TRAK1: variants seen among roughly 807,000 people sequenced by gnomAD.
TRAK1 encodes trafficking kinesin-binding protein 1.
Under a neutral mutation model 92.1 loss-of-function variants are expected in TRAK1, and 33 were observed. That is an observed-to-expected ratio of 0.36 (90% CI 0.27 to 0.48). The LOEUF (loss-of-function observed/expected upper bound fraction) is 0.48, where lower values mean the gene tolerates loss of function less well. Ranked by LOEUF, TRAK1 falls within the 20% of genes least tolerant of loss-of-function variation. The pLI is 0.99. For missense variants in TRAK1, 1,123 were observed against 1,257.9 expected, an observed-to-expected ratio of 0.89 and a Z score of 1.62; for synonymous variants, 521 against 517.3, an observed-to-expected ratio of 1.01 and a Z score of -0.10.
At chr3:42,122,713 G>A (rs1438257231) in intron 1 of TRAK1, among the ~76,000 whole-genome samples, 1 of 152,192 alleles carries the variant, frequency 6.6e-6, no homozygotes, top group Non-Finnish European at 1.5e-5. Flanking sequence ...CCTTTGGATG[G>A]TGGTTTATTG....
At chr3:42,135,340 G>A (rs1697812201) in intron 2 of TRAK1, among the ~76,000 whole-genome samples, 1 of 152,142 alleles carries the variant, frequency 6.6e-6, no homozygotes, top group Non-Finnish European at 1.5e-5. Flanking sequence ...GTATTTCCAG[G>A]TACTCCTTGT....
rs1706188509 is a variant in TRAK1 at position 42,193,876 on chromosome 3, C to T, written c.953C>T (p.Ala318Val). Residue 318 changes from alanine (A) to valine (V), a missense_variant, in exon 9 of 16, where the codon GCC becomes GTC. This residue lies in a region of TRAK1 where 686 missense variants were observed against 747.6 expected (regional missense o/e 0.92). Transcript: ENST00000327628. ...CAGCATCTGGGGGCTGCTAAGGATG[C>T]CCAGCGGCAGCTCACAGCCGAGGTG... ...LVQHLGAAKD[A>V]QRQLTAELRE... 2 of 1,614,030 alleles carry T rather than the reference C, an allele frequency of 1.2e-6. No homozygotes were observed. Among genetic ancestry groups the T allele is most frequent in the Non-Finnish European group, 8.5e-7 (1 of 1,180,006 alleles).
At chr3:42,146,755 C>T (rs1699377439) in intron 2 of TRAK1, among the ~76,000 whole-genome samples, 1 of 152,086 alleles carries the variant, frequency 6.6e-6, no homozygotes, top group African/African-American at 2.4e-5. Context: ...GAGATTTGGC[C>T]ATGTTGTCCA....
intron 2 of TRAK1, among the ~76,000 whole-genome samples, chr3:42,165,530 G>A (rs913486783): frequency 2.6e-5 from 4 of 152,190 alleles, no homozygotes; most frequent in African/African-American, 7.2e-5. Context: ...CCCTGTGGGG[G>A]AATAACTGGA....
chr3:42,184,637 G>C (rs937530996), intron 3 of TRAK1, 48 bp from the exon 4 acceptor site: 1 of 1,585,544 alleles, frequency 6.3e-7, no homozygotes, highest in African/African-American at 1.3e-5. Context: ...GACTCCTTCA[G>C]GAAACACAGG....
chr3:42,099,826 G>A (rs773347326), intron 1 of TRAK1, among the ~76,000 whole-genome samples: 3 of 152,194 alleles, frequency 2.0e-5, no homozygotes, highest in Non-Finnish European at 4.4e-5. Context: ...CCCTATTTAT[G>A]TGAGTAGAAA....
chr3:42,217,441 A>G, intron 14 of TRAK1: 5 of 985,356 alleles, frequency 5.1e-6, no homozygotes, highest in Non-Finnish European at 6.0e-6. Flanking sequence ...GCCTTTTCCT[A>G]TCCCCAAAAC....
chr3:42,065,181 G>A (rs1703627093), intron 1 of TRAK1, among the ~76,000 whole-genome samples: 1 of 152,158 alleles, frequency 6.6e-6, no homozygotes, highest in Non-Finnish European at 1.5e-5. Flanking sequence ...GAACCTGGAA[G>A]GTGGAGGTTG....
intron 13 of TRAK1, among the ~76,000 whole-genome samples, chr3:42,207,672 AATC>A (rs1326634946): frequency 1.3e-5 from 2 of 152,188 alleles, no homozygotes; most frequent in Non-Finnish European, 2.9e-5. Context: ...TAATTTAAAA[AATC>A]ACAGTGATGC....
At chr3:42,112,807 A>G (rs903820755) in intron 1 of TRAK1, among the ~76,000 whole-genome samples, 6 of 151,484 alleles carry the variant, frequency 4.0e-5, no homozygotes, top group African/African-American at 1.5e-4. Flanking sequence ...GGGTCTTGCT[A>G]TCTCCTAGGC....
intron 1 of TRAK1, among the ~76,000 whole-genome samples, chr3:42,065,378 CG>C (rs1703634362): frequency 2.0e-5 from 3 of 152,156 alleles, no homozygotes; most frequent in Admixed American, 2.0e-4. Context: ...ATTATACTTG[CG>C]GATTGAACAT....
At chr3:42,093,643 T>G (rs1381756135) in intron 1 of TRAK1, among the ~76,000 whole-genome samples, 1 of 113,992 alleles carries the variant, frequency 8.8e-6, no homozygotes, top group African/African-American at 3.8e-5. Flanking sequence ...CTCTTCTCTT[T>G]TTTCTCCCCT....
intron 2 of TRAK1, among the ~76,000 whole-genome samples, chr3:42,154,441 G>A (rs1335688933): frequency 1.3e-5 from 2 of 151,996 alleles, no homozygotes; most frequent in African/African-American, 4.8e-5. Flanking sequence ...CCAAAGTGCT[G>A]GGATTACAGG....
rs1410803054 is a variant in TRAK1, at chr3:42,110,277, A to G, written c.92-15143A>G. On this transcript the variant is annotated intron_variant, in intron 1 of 15. Coordinates refer to ENST00000327628, the MANE Select transcript of TRAK1 (RefSeq NM_001042646.3). ...TCCCGGCTGTGGCTGGAGCCACACAAACAATAGAGGGAAAGGCTGTGGGGT... is the reference window on the plus strand; with the variant it reads ...TCCCGGCTGTGGCTGGAGCCACACAGACAATAGAGGGAAAGGCTGTGGGGT... Among the ~76,000 whole-genome samples, 3 of 151,758 alleles carry G rather than the reference A, an allele frequency of 2.0e-5. No homozygotes were observed. The East Asian group carries it at 5.9e-4, about 30-fold the overall frequency.
rs535395511 is a variant in TRAK1 at position 42,060,460 on chromosome 3, T to C, written c.-518-26644T>C. Among the ~76,000 whole-genome samples the C allele has an allele frequency of 3.0e-4, 45 of 152,162 alleles. No individual in the cohort carries two copies. The South Asian group carries it at 8.3e-3, about 28-fold the overall frequency. On this transcript the variant is annotated intron_variant, in intron 1 of 16. Transcript: ENST00000487159. ...AGGAGAGACGGGGCAGCTTTGAAAC[T>C]GTGGGACAGGAGAGTAATGTAACGG...
intron 1 of TRAK1, among the ~76,000 whole-genome samples, chr3:42,120,386 G>A (rs991277947): frequency 1.3e-5 from 2 of 152,072 alleles, no homozygotes; most frequent in Non-Finnish European, 2.9e-5. Context: ...GGGAAATGGT[G>A]ACCACAGAGA....
intron 2 of TRAK1, chr3:42,146,121 C>G: frequency 2.2e-6 from 1 of 458,226 alleles, no homozygotes; most frequent in Admixed American, 2.8e-5. Flanking sequence ...GATTTATACA[C>G]CAACTACATT....
intron 13 of TRAK1, among the ~76,000 whole-genome samples, chr3:42,206,593 G>C (rs1373406212): frequency 6.6e-6 from 1 of 152,206 alleles, no homozygotes. Context: ...GGGATAACGT[G>C]AAGATTAAGT....
upstream of TRAK1, among the ~76,000 whole-genome samples, chr3:42,088,023 G>A (rs1419075352): frequency 2.0e-5 from 3 of 152,162 alleles, no homozygotes; most frequent in African/African-American, 7.2e-5. Context: ...CACAAGAGAG[G>A]GCTCTCAATG....
Sources: allele counts gnomAD v4.1 joint callset (sites outside exome capture counted in the v4.1 genomes callset), GRCh38; gene constraint gnomAD v4.1.1; regional missense constraint gnomAD v4.1.1; transcripts MANE v1.5; gene names NCBI Gene and HGNC (gene_info 2026-07-23, HGNC 2026-07-21).